Variants in ANKFN1 observed in about 807,000 individuals in gnomAD.
ANKFN1 encodes the protein ankyrin repeat and fibronectin type III domain containing 1, also known as ankyrin repeat and fibronectin type-III domain-containing protein 1.
In ANKFN1, 74 loss-of-function variants were observed where a neutral mutation model predicts 108.7. The observed-to-expected ratio is 0.68, with a 90% confidence interval of 0.56 to 0.83. The LOEUF is 0.83. ANKFN1 is among the 40% of genes least tolerant of loss of function. ANKFN1 has a pLI of 0.00. For synonymous variants in ANKFN1, 547 were observed against 516.2 expected (o/e 1.06, Z -0.81); for missense variants, 1,505 against 1,382.3 (o/e 1.09, Z -1.41).
intron 3 of ANKFN1, among the ~76,000 whole-genome samples, chr17:56,233,959 T>C (rs1438668028): frequency 6.6e-6 from 1 of 152,178 alleles, no homozygotes; most frequent in African/African-American, 2.4e-5. Flanking sequence ...GATAAGAGTT[T>C]TGAATACAGT....
intron 1 of ANKFN1, among the ~76,000 whole-genome samples, chr17:56,168,518 A>G (rs1567814748): frequency 6.6e-6 from 1 of 152,182 alleles, no homozygotes; most frequent in Non-Finnish European, 1.5e-5. Context: ...GAAATTTGCA[A>G]TTGTTTTTCA....
In ANKFN1 at chr17:56,511,293, C is replaced by T. The variant is rs138655596; in HGVS notation, c.*24C>T. On this transcript the variant is annotated 3_prime_UTR_variant, in exon 21 of 21. Transcript: ENST00000682825. ...AGGGAGGCCCATCCCGGCTGTCCAC[C>T]CCTCCATGGCTGCTACCTGCGTTTT... 128 of 1,486,830 alleles carry T rather than the reference C, an allele frequency of 8.6e-5. No individual in the cohort carries two copies. The highest frequency in any genetic ancestry group is 7.7e-4 in the Middle Eastern group (4 of 5,210). The allele number at this position is 1,486,830 out of a possible 1,614,324, so 92.1% of individuals were successfully genotyped here. A position where few individuals can be genotyped will look rare whatever the true frequency, so the allele number is the denominator to read the frequency against.
At chr17:56,506,809 T>C (rs1348524397) in intron 20 of ANKFN1, among the ~76,000 whole-genome samples, 3 of 152,080 alleles carry the variant, frequency 2.0e-5, no homozygotes, top group Non-Finnish European at 4.4e-5. Context: ...GATGGCAGCA[T>C]AGCAAGTCTT....
intron 3 of ANKFN1, among the ~76,000 whole-genome samples, chr17:56,276,404 C>T (rs2043935856): frequency 6.6e-6 from 1 of 152,106 alleles, no homozygotes; most frequent in Non-Finnish European, 1.5e-5. Flanking sequence ...ATTTCTAGTT[C>T]TAGGTCCTTG....
chr17:56,373,367 C>A (rs1453623701), intron 7 of ANKFN1, among the ~76,000 whole-genome samples: 2 of 152,184 alleles, frequency 1.3e-5, no homozygotes, highest in Non-Finnish European at 2.9e-5. Flanking sequence ...TTTACCAATT[C>A]TTTTTGTTAG....
chr17:56,422,954 A>C (rs17820300), intron 8 of ANKFN1, among the ~76,000 whole-genome samples: 2,033 of 152,252 alleles, frequency 0.013, 56 homozygotes, highest in South Asian at 0.12. Flanking sequence ...GGGTGAAAGC[A>C]ACCATTGGTC....
At chr17:56,370,910 A>T (rs1373437833) in intron 6 of ANKFN1, among the ~76,000 whole-genome samples, 1 of 150,446 alleles carries the variant, frequency 6.6e-6, no homozygotes, top group East Asian at 2.0e-4. Flanking sequence ...AATATTGCCA[A>T]TTTTTCCACT....
chr17:56,083,732 G>A (rs1016579223), intron 4 of ANKFN1, among the ~76,000 whole-genome samples: 2 of 151,256 alleles, frequency 1.3e-5, no homozygotes, highest in Non-Finnish European at 3.0e-5. Flanking sequence ...TTGTGGGGAC[G>A]CAGAGCTAAG....
intron 4 of ANKFN1, among the ~76,000 whole-genome samples, chr17:56,081,495 G>A (rs371218160): frequency 1.1e-3 from 167 of 152,220 alleles, no homozygotes; most frequent in African/African-American, 3.7e-3. Context: ...TGGGACTACA[G>A]GCACCCGCCA....
intron 3 of ANKFN1, among the ~76,000 whole-genome samples, chr17:56,307,838 A>T (rs2044878892): frequency 6.6e-6 from 1 of 152,202 alleles, no homozygotes; most frequent in African/African-American, 2.4e-5. Context: ...CAAATGTCCA[A>T]CAATGATAGA....
chr17:56,475,081 T>C (rs1442830), intron 15 of ANKFN1, among the ~76,000 whole-genome samples: 79,809 of 152,058 alleles, frequency 0.52, 25,562 homozygotes, highest in East Asian at 0.87. Context: ...ATTTTCCACA[T>C]GTTGTGTACC....
chr17:56,350,737 G>C, intron 4 of ANKFN1, 29 bp from the exon 5 acceptor site: 1 of 1,591,894 alleles, frequency 6.3e-7, no homozygotes, highest in Non-Finnish European at 8.6e-7. Context: ...TGGTGTAAAA[G>C]ATATAACATC....
intron 4 of ANKFN1, among the ~76,000 whole-genome samples, chr17:56,133,033 A>G (rs1907377829): frequency 6.6e-6 from 1 of 152,198 alleles, no homozygotes; most frequent in South Asian, 2.1e-4. Context: ...AAAACAGGGA[A>G]GTACATTCTG....
intron 4 of ANKFN1, among the ~76,000 whole-genome samples, chr17:56,069,358 G>A (rs1905095538): frequency 6.6e-6 from 1 of 152,176 alleles, no homozygotes; most frequent in Admixed American, 6.5e-5. Flanking sequence ...TTAAAACAGT[G>A]AAAAGCAAAG....
At position 56,511,009 on chromosome 17, in the gene ANKFN1, C is replaced by G. The variant is rs1042077308; in HGVS notation, c.3181C>G (p.Pro1061Ala). Residue 1061 changes from proline (P) to alanine (A), a missense_variant, in exon 21 of 21, where the codon CCC (proline) becomes GCC (alanine). By Grantham distance (27) the Pro-to-Ala change is conservative. Transcript: ENST00000682825. ...AKRAGPALDD[P>A]RGLTLAHAAS... Reference sequence around the variant, plus strand: ...GCGGGCCGGCCCTGCCCTTGATGATCCCAGGGGCCTAACTCTGGCCCACGC... The same window carrying G: ...GCGGGCCGGCCCTGCCCTTGATGATGCCAGGGGCCTAACTCTGGCCCACGC... The G allele has an allele frequency of 1.6e-5, 25 of 1,535,888 alleles. No individual in the cohort carries two copies. Among genetic ancestry groups the G allele is most frequent in the Non-Finnish European group, 2.0e-5 (23 of 1,146,890 alleles).
intron 3 of ANKFN1, among the ~76,000 whole-genome samples, chr17:56,304,211 A>G (rs2044752829): frequency 6.6e-6 from 1 of 152,136 alleles, no homozygotes; most frequent in African/African-American, 2.4e-5. Flanking sequence ...CTCTATTTCT[A>G]TAATTTTACA....
chr17:56,273,129 T>C (rs1346376181), intron 3 of ANKFN1, among the ~76,000 whole-genome samples: 2 of 152,222 alleles, frequency 1.3e-5, no homozygotes, highest in Non-Finnish European at 2.9e-5. Flanking sequence ...AATACTTTGG[T>C]GTTTCCTTTC....
intron 4 of ANKFN1, among the ~76,000 whole-genome samples, chr17:56,132,979 A>AT (rs1422784984): frequency 6.6e-6 from 1 of 152,206 alleles, no homozygotes; most frequent in Non-Finnish European, 1.5e-5. Flanking sequence ...CTAGTTCAGA[A>AT]TTGTTTACTT....
chr17:56,056,926 C>T (rs1598084492), intron 4 of ANKFN1, among the ~76,000 whole-genome samples: 1 of 152,208 alleles, frequency 6.6e-6, no homozygotes, highest in South Asian at 2.1e-4. Context: ...GGCATTTTGT[C>T]CACAGCAGAA....
Sources: allele counts gnomAD v4.1 joint callset (sites outside exome capture counted in the v4.1 genomes callset), GRCh38; gene constraint gnomAD v4.1.1; transcripts MANE v1.5; gene names NCBI Gene and HGNC (gene_info 2026-07-23, HGNC 2026-07-21).